Variants in C18orf63 observed in about 807,000 individuals in gnomAD.
C18orf63 encodes the protein chromosome 18 open reading frame 63, also known as uncharacterized protein C18orf63.
C18orf63 carries 50 observed loss-of-function variants against 75.3 expected under a neutral mutation model. That is an observed-to-expected ratio of 0.66 (90% CI 0.53 to 0.84). The LOEUF is 0.84. C18orf63 is among the 40% of genes least tolerant of loss of function. C18orf63 has a pLI of 0.00. For missense variants in C18orf63, 732 were observed against 800.2 expected (o/e 0.91, Z 1.03); for synonymous variants, 232 against 267.6 (o/e 0.87, Z 1.30).
chr18:74,324,473 A>G (rs367832459), intron 4 of C18orf63, among the ~76,000 whole-genome samples: 4 of 152,224 alleles, frequency 2.6e-5, no homozygotes, highest in Admixed American at 2.6e-4. Context: ...ATCAGCGTAT[A>G]GTTTTAGCAA....
chr18:74,348,118 A>G (rs1474458516), intron 11 of C18orf63, among the ~76,000 whole-genome samples: 1 of 152,142 alleles, frequency 6.6e-6, no homozygotes, highest in Non-Finnish European at 1.5e-5. Flanking sequence ...GTTTTATTTA[A>G]ATCAGAATCC....
At chr18:74,322,018 T>C (rs1394589094) in intron 3 of C18orf63, among the ~76,000 whole-genome samples, 2 of 152,228 alleles carry the variant, frequency 1.3e-5, no homozygotes, top group Non-Finnish European at 2.9e-5. Context: ...CTTAATACTT[T>C]CCAGTGCACA....
chr18:74,356,389 TA>T (rs1984765697), intron 13 of C18orf63, 91 bp from the exon 14 acceptor site: 1 of 152,470 alleles, frequency 6.6e-6, no homozygotes, highest in African/African-American at 2.4e-5. Flanking sequence ...TAATTTCCCC[TA>T]AATATAAAAT....
chr18:74,326,796 T>C (rs762444638), intron 4 of C18orf63, among the ~76,000 whole-genome samples: 2 of 152,230 alleles, frequency 1.3e-5, no homozygotes, highest in Non-Finnish European at 2.9e-5. Context: ...ATCTGGTTCC[T>C]ATTACTTATT....
intron 11 of C18orf63, among the ~76,000 whole-genome samples, chr18:74,347,465 T>C (rs1276204176): frequency 2.0e-5 from 3 of 152,210 alleles, no homozygotes; most frequent in African/African-American, 7.2e-5. Context: ...TGGGCCACCG[T>C]GAAACAGGCA....
rs1300566364 is a variant in C18orf63 at position 74,317,859 on chromosome 18, G to C, written c.-7G>C. The C allele has an allele frequency of 3.9e-6, 6 of 1,521,506 alleles. No individual in the cohort carries two copies. In the Admixed American group the frequency reaches 8.3e-5, roughly 21 times the overall value. The allele number at this position is 1,521,506 out of a possible 1,614,324, so 94.3% of individuals were successfully genotyped here. ...GCCTGATTGCTGAGACACTCAGTCA[G>C]GAAAGTATGAATGATTCTAGGCAGC... On this transcript the variant is annotated 5_prime_UTR_variant, in exon 2 of 14. Transcript: ENST00000579455.
At position 74,353,841 on chromosome 18, in the gene C18orf63, T is replaced by C. The variant is rs1017609489; in HGVS notation, c.1574T>C (p.Phe525Ser). ...GAGTCTTCTGAAAATATGACAAAAT[T>C]TCCCTCTTCTCGTGGAAAATCGACT... ...NTESSENMTKFPSSRGKSTVS... is the reference protein window; with the variant it reads ...NTESSENMTKSPSSRGKSTVS... Residue 525 changes from phenylalanine to serine, a missense_variant, in exon 12 of 14, where the codon TTT becomes TCT. Around this residue, in one of 3 missense-constraint regions of C18orf63, gnomAD observed 495 missense variants for 508.7 expected, o/e 0.97. Coordinates refer to ENST00000579455, the MANE Select transcript of C18orf63 (RefSeq NM_001174123.2). The C allele has an allele frequency of 2.0e-6, 3 of 1,536,016 alleles. No individual in the cohort carries two copies. Among genetic ancestry groups the C allele is most frequent in the Non-Finnish European group, 2.6e-6 (3 of 1,146,850 alleles).
intron 11 of C18orf63, among the ~76,000 whole-genome samples, chr18:74,345,987 G>C (rs1020977315): frequency 2.2e-5 from 3 of 137,744 alleles, no homozygotes; most frequent in African/African-American, 8.2e-5. Context: ...TAGAGACAGA[G>C]AGAGCATGCT....
Position 74,330,946 on chromosome 18 carries a change from C to T in C18orf63, c.501+4C>T. Reference sequence around the variant, plus strand: ...AATCAGACTGCCAGCACCTGAGGTACCATATATTGTGATTTCTATACTTTA... The same window carrying T: ...AATCAGACTGCCAGCACCTGAGGTATCATATATTGTGATTTCTATACTTTA... On this transcript the variant is annotated splice_donor_region_variant and intron_variant, in intron 7 of 13. Transcript: ENST00000579455. 1.5e-6 allele frequency: 2 copies of T among 1,351,050 alleles called. No individual in the cohort carries two copies. The highest frequency in any genetic ancestry group is 2.0e-6 in the Non-Finnish European group (2 of 1,012,992). 83.7% of individuals were successfully genotyped at this position (1,351,050 alleles called of 1,614,324 possible).
At position 74,353,652 on chromosome 18, in the gene C18orf63, ATG is replaced by A. The variant is rs1984709158; in HGVS notation, c.1388_1389del (p.Val463AspfsTer4). 6.5e-7 allele frequency: 1 copy of A among 1,536,084 alleles called. No homozygotes were observed. The highest frequency in any genetic ancestry group is 1.2e-5 in the South Asian group (1 of 84,070). On this transcript the variant is annotated frameshift_variant, in exon 12 of 14. Coordinates refer to ENST00000579455, the MANE Select transcript of C18orf63 (RefSeq NM_001174123.2). LOFTEE classifies it high-confidence loss of function. ...GGCAGCCCAAAAAGAAAACAGCATG[ATG>A]TGACACAATCTAAATTGTTTTCACT...
intron 10 of C18orf63, among the ~76,000 whole-genome samples, chr18:74,343,126 A>G (rs1984516242): frequency 6.6e-6 from 1 of 152,158 alleles, no homozygotes; most frequent in Non-Finnish European, 1.5e-5. Context: ...AATACAATCT[A>G]TATGTGTTGT....
chr18:74,323,359 T>G (rs530069798), intron 4 of C18orf63, among the ~76,000 whole-genome samples: 29 of 152,312 alleles, frequency 1.9e-4, no homozygotes, highest in Non-Finnish European at 3.8e-4. Flanking sequence ...ATCTTTAAAA[T>G]GAGATGTTGC....
chr18:74,345,180 A>AT (rs919973977), intron 11 of C18orf63, among the ~76,000 whole-genome samples: 9 of 151,270 alleles, frequency 5.9e-5, no homozygotes, highest in Admixed American at 2.0e-4. Flanking sequence ...GGCCATTTGG[A>AT]TTTTTTTTGA....
rs199589417 is a variant in C18orf63, at chr18:74,358,283, G to A, written c.*1836G>A. 2 of 91,598 alleles carry A rather than the reference G, an allele frequency of 2.2e-5. No individual in the cohort carries two copies. The highest frequency in any genetic ancestry group is 3.7e-5 in the African/African-American group (1 of 27,112). The allele number at this position is 91,598 out of a possible 1,614,324, so 5.7% of individuals were successfully genotyped here. A position where few individuals can be genotyped will look rare whatever the true frequency, so the allele number is the denominator to read the frequency against. ...TAACCTACATGGCAAAACCTGCCAT[G>A]TTTAGTGTATTTTTTTGTATAAAGT... On this transcript the variant is annotated 3_prime_UTR_variant, in exon 14 of 14. Coordinates refer to ENST00000579455, the MANE Select transcript of C18orf63 (RefSeq NM_001174123.2).
At chr18:74,327,565 T>C (rs2145118330) in intron 4 of C18orf63, among the ~76,000 whole-genome samples, 1 of 152,236 alleles carries the variant, frequency 6.6e-6, no homozygotes, top group Non-Finnish European at 1.5e-5. Context: ...CAACGTTCAG[T>C]TTGGTCCAGG....
chr18:74,335,961 G>T (rs1029799293), intron 7 of C18orf63, among the ~76,000 whole-genome samples: 2 of 152,044 alleles, frequency 1.3e-5, no homozygotes, highest in Non-Finnish European at 2.9e-5. Context: ...TAATCTCGCA[G>T]AATCTCCATT....
chr18:74,333,793 A>G (rs564178385), intron 7 of C18orf63, among the ~76,000 whole-genome samples: 1 of 152,306 alleles, frequency 6.6e-6, no homozygotes, highest in Admixed American at 6.5e-5. Context: ...TTCCAGGAAT[A>G]TGTGTTAGTA....
At chr18:74,316,490 G>T (rs149303117) in intron 1 of C18orf63, among the ~76,000 whole-genome samples, 2 of 152,138 alleles carry the variant, frequency 1.3e-5, no homozygotes, top group Admixed American at 1.3e-4. Flanking sequence ...CCCTCGTAGC[G>T]GCGGTCCCGA....
At chr18:74,321,188 A>C (rs1364111050) in intron 3 of C18orf63, among the ~76,000 whole-genome samples, 1 of 152,208 alleles carries the variant, frequency 6.6e-6, no homozygotes, top group Non-Finnish European at 1.5e-5. Flanking sequence ...ATCCAGTGAA[A>C]TCAGCATTTA....
Sources: gnomAD v4.1 joint callset for allele counts (sites outside exome capture counted in the v4.1 genomes callset) on GRCh38, gnomAD v4.1.1 for gene constraint, gnomAD v4.1.1 regional missense constraint, MANE v1.5 for transcripts, NCBI Gene and HGNC (gene_info 2026-07-23, HGNC 2026-07-21) for gene names.